The following CLSTN2 variants were observed in gnomAD, a reference collection of about 807,000 sequenced individuals.
CLSTN2 encodes calsyntenin 2, also known as calsyntenin-2.
A neutral mutation model predicts 101.2 loss-of-function variants in CLSTN2; 48 were observed. The ratio of observed to expected loss-of-function variants is 0.47; its 90% CI spans 0.38 to 0.60. The LOEUF (loss-of-function observed/expected upper bound fraction) is 0.60. CLSTN2 is among the 20% of genes least tolerant of loss of function. The pLI, the probability that CLSTN2 is intolerant of heterozygous loss-of-function variation, is 0.00. For synonymous variants in CLSTN2, 481 were observed against 463.6 expected (o/e 1.04, Z -0.48); for missense variants, 1,160 against 1,238.2 (o/e 0.94, Z 0.95).
In CLSTN2 at chr3:140,567,564, A is replaced by G. The variant is rs539111497; in HGVS notation, c.*1311A>G. 2.6e-5 allele frequency: 4 copies of G among 152,324 alleles called. No homozygotes were observed. Among genetic ancestry groups the G allele is most frequent in the African/African-American group, 4.8e-5 (2 of 41,574 alleles). The allele number at this position is 152,324 out of a possible 1,614,324, so 9.4% of individuals were successfully genotyped here. ...ACAACCTGTGAAGAGAATTGTTTCT[A>G]TAGTAACTGGTCTGTGATCTTTTGT... On this transcript the variant is annotated 3_prime_UTR_variant, in exon 17 of 17. Coordinates refer to ENST00000458420, the MANE Select transcript of CLSTN2 (RefSeq NM_022131.3).
intron 2 of CLSTN2, among the ~76,000 whole-genome samples, chr3:140,193,196 T>C (rs554974147): frequency 2.6e-5 from 4 of 151,572 alleles, no homozygotes; most frequent in African/African-American, 7.2e-5. Flanking sequence ...CTTTTGTATT[T>C]ACCATTATTT....
intron 1 of CLSTN2, among the ~76,000 whole-genome samples, chr3:140,025,770 C>T (rs1002051796): frequency 9.2e-5 from 14 of 152,196 alleles, no homozygotes; most frequent in Non-Finnish European, 7.3e-5. Flanking sequence ...TACTGCTCTA[C>T]TGCATGAGGT....
chr3:140,126,501 TAGAATGTGAA>T (rs1490078983), intron 1 of CLSTN2, among the ~76,000 whole-genome samples: 1 of 152,074 alleles, frequency 6.6e-6, no homozygotes, highest in Admixed American at 6.6e-5. Flanking sequence ...AGGTTTCCCT[TAGAATGTGAA>T]GGAACTATCC....
chr3:140,053,647 C>T (rs1264568842), intron 1 of CLSTN2, among the ~76,000 whole-genome samples: 1 of 152,138 alleles, frequency 6.6e-6, no homozygotes, highest in Non-Finnish European at 1.5e-5. Context: ...TTCCCCATTC[C>T]CTCATCTCCC....
chr3:140,544,744 A>G (rs349560), intron 9 of CLSTN2, among the ~76,000 whole-genome samples: 68,859 of 150,950 alleles, frequency 0.46, 17,645 homozygotes, highest in African/African-American at 0.71. Flanking sequence ...CTCCAGGCAG[A>G]GAGAGGGTAT....
intron 2 of CLSTN2, among the ~76,000 whole-genome samples, chr3:140,203,461 GTTTTTTTTTT>G (rs58182333): frequency 2.4e-4 from 16 of 67,920 alleles, no homozygotes; most frequent in Admixed American, 1.2e-3. Context: ...GAAAGTGTGG[GTTTTTTTTTT>G]TTTTTTTTTT....
chr3:140,164,814 G>A (rs2107821967), intron 1 of CLSTN2, among the ~76,000 whole-genome samples: 1 of 152,196 alleles, frequency 6.6e-6, no homozygotes, highest in South Asian at 2.1e-4. Context: ...AAGTTCTTTG[G>A]GATTGTCCAC....
At chr3:140,175,722 G>A (rs73868798) in intron 1 of CLSTN2, among the ~76,000 whole-genome samples, 2,698 of 152,276 alleles carry the variant, frequency 0.018, 75 homozygotes, top group African/African-American at 0.057. Context: ...GTGTTTGATA[G>A]TCAATGCTGT....
At chr3:140,292,861 C>G (rs946793779) in intron 2 of CLSTN2, among the ~76,000 whole-genome samples, 3 of 152,186 alleles carry the variant, frequency 2.0e-5, no homozygotes, top group African/African-American at 7.2e-5. Flanking sequence ...CCACAGCTTT[C>G]CACTTTGGAA....
chr3:140,410,753 G>A (rs976171266), intron 4 of CLSTN2, among the ~76,000 whole-genome samples: 4 of 152,102 alleles, frequency 2.6e-5, no homozygotes, highest in Non-Finnish European at 5.9e-5. Context: ...AAAATGACTT[G>A]TTAATGTATG....
chr3:140,212,823 T>C (rs2010874858), intron 2 of CLSTN2, among the ~76,000 whole-genome samples: 1 of 152,170 alleles, frequency 6.6e-6, no homozygotes, highest in African/African-American at 2.4e-5. Context: ...GCCTCAGCCC[T>C]CAGGCTCTGG....
At chr3:140,203,546 G>A (rs1164898628) in intron 2 of CLSTN2, among the ~76,000 whole-genome samples, 3 of 123,694 alleles carry the variant, frequency 2.4e-5, no homozygotes, top group African/African-American at 9.0e-5. Context: ...GGTAGAAAAT[G>A]TTAGCTCTTT....
chr3:140,390,103 T>C (rs79370493), intron 2 of CLSTN2, among the ~76,000 whole-genome samples: 1 of 138,310 alleles, frequency 7.2e-6, no homozygotes, highest in East Asian at 2.1e-4. Flanking sequence ...AAAAAAAAAA[T>C]ACATAACATA....
At chr3:140,501,017 T>G (rs1365282346) in intron 8 of CLSTN2, among the ~76,000 whole-genome samples, 1 of 152,130 alleles carries the variant, frequency 6.6e-6, no homozygotes. Flanking sequence ...TAGTTGAGTG[T>G]TCGGGTGAAG....
At chr3:140,485,937 C>A (rs1207117383) in intron 8 of CLSTN2, among the ~76,000 whole-genome samples, 1 of 151,848 alleles carries the variant, frequency 6.6e-6, no homozygotes, top group Non-Finnish European at 1.5e-5. Context: ...CCTGCTTCGG[C>A]TCACACTTGG....
rs542024137 is a variant in CLSTN2, at chr3:140,197,160, C to T, written c.232+21087C>T. On this transcript the variant is annotated intron_variant, in intron 2 of 16. Coordinates refer to ENST00000458420, the MANE Select transcript of CLSTN2 (RefSeq NM_022131.3). ...CCTCTAAATGTGAGAAGGCCACAGT[C>T]TCAGCTCACTGCTGCCAAGGTAGCT... 4.6e-5 allele frequency among the ~76,000 whole-genome samples: 7 copies of T among 152,306 alleles called. 1 individual carries two copies. The South Asian group carries it at 1.5e-3, about 32-fold the overall frequency.
At chr3:140,159,576 T>G (rs565473496) in intron 1 of CLSTN2, among the ~76,000 whole-genome samples, 2 of 152,154 alleles carry the variant, frequency 1.3e-5, no homozygotes, top group South Asian at 4.1e-4. Context: ...GTAATGTAAA[T>G]TAAATCAGCC....
At chr3:140,225,002 G>A (rs576602714) in intron 2 of CLSTN2, among the ~76,000 whole-genome samples, 36 of 152,286 alleles carry the variant, frequency 2.4e-4, no homozygotes, top group East Asian at 1.5e-3. Context: ...CAGCAAGTGC[G>A]CCAGCCAGCC....
At chr3:140,472,915 T>C (rs55905797) in intron 8 of CLSTN2, among the ~76,000 whole-genome samples, 12,221 of 152,282 alleles carry the variant, frequency 0.08, 642 homozygotes, top group East Asian at 0.12. Flanking sequence ...CCCAGTCATA[T>C]TCTAGTCCCT....
Sources: gnomAD v4.1 joint callset for allele counts (sites outside exome capture counted in the v4.1 genomes callset) on GRCh38, gnomAD v4.1.1 for gene constraint, MANE v1.5 for transcripts, NCBI Gene and HGNC (gene_info 2026-07-23, HGNC 2026-07-21) for gene names.